The following AP3S2 variants were observed in gnomAD, a reference collection of about 807,000 sequenced individuals.
AP3S2 encodes the protein AP-3 complex subunit sigma-2.
Under a neutral mutation model 23.4 loss-of-function variants are expected in AP3S2, and 22 were observed. That is an observed-to-expected ratio of 0.94 (90% CI 0.67 to 1.34). AP3S2 has a LOEUF of 1.34. Among genes scored for constraint, AP3S2 ranks in the 40% most tolerant of loss-of-function variants. The pLI is 0.00. For synonymous variants in AP3S2, 86 were observed against 87.1 expected, an observed-to-expected ratio of 0.99 and a Z score of 0.07; for missense variants, 241 against 236.9, an observed-to-expected ratio of 1.02 and a Z score of -0.11.
At chr15:89,849,418 G>A (rs1238241778) in intron 4 of AP3S2, among the ~76,000 whole-genome samples, 2 of 151,994 alleles carry the variant, frequency 1.3e-5, no homozygotes, top group East Asian at 1.9e-4. Context: ...TCAGGCTGGA[G>A]TGCAGTGGCA....
chr15:89,868,222 C>T (rs1472644973), intron 4 of AP3S2, among the ~76,000 whole-genome samples: 1 of 53,114 alleles, frequency 1.9e-5, no homozygotes, highest in Non-Finnish European at 4.4e-5. Flanking sequence ...GTGGGGGGGT[C>T]AGCCCTCCGC....
At chr15:89,850,285 A>G (rs1273605685) in intron 4 of AP3S2, among the ~76,000 whole-genome samples, 2 of 152,184 alleles carry the variant, frequency 1.3e-5, no homozygotes, top group Non-Finnish European at 1.5e-5. Flanking sequence ...AAGACATTCA[A>G]TCCCTAGCCA....
intron 3 of AP3S2, among the ~76,000 whole-genome samples, chr15:89,885,533 A>T (rs1247731894): frequency 6.6e-6 from 1 of 152,226 alleles, no homozygotes; most frequent in Non-Finnish European, 1.5e-5. Context: ...CGGCTATTTC[A>T]AATATATTGG....
chr15:89,880,124 C>T (rs539662580), intron 3 of AP3S2, among the ~76,000 whole-genome samples: 82 of 150,906 alleles, frequency 5.4e-4, no homozygotes, highest in African/African-American at 1.8e-3. Context: ...GTCTGGGTGA[C>T]GAAGTGAGAC....
intron 4 of AP3S2, among the ~76,000 whole-genome samples, chr15:89,843,663 TG>T (rs894622133): frequency 2.0e-5 from 3 of 151,802 alleles, no homozygotes; most frequent in Non-Finnish European, 4.4e-5. Context: ...AAAAGTTAGC[TG>T]GGCAGAAGTG....
intron 5 of AP3S2, among the ~76,000 whole-genome samples, chr15:89,836,891 C>T (rs1895204858): frequency 1.3e-5 from 2 of 152,344 alleles, no homozygotes; most frequent in South Asian, 4.1e-4. Context: ...TTCGCAAGAT[C>T]AAGTTCCGTA....
In AP3S2 at chr15:89,893,718, C is replaced by T. The variant is rs527293434; in HGVS notation, c.69+163G>A. 5.1e-5 allele frequency: 33 copies of T among 652,810 alleles called. No homozygotes were observed. The South Asian group carries it at 6.3e-4, about 13-fold the overall frequency. The allele number at this position is 652,810 out of a possible 1,614,324, so 40.4% of individuals were successfully genotyped here. On this transcript the variant is annotated intron_variant, in intron 1 of 5. Coordinates refer to ENST00000336418, the MANE Select transcript of AP3S2 (RefSeq NM_005829.5). The stretch of plus-strand genomic sequence containing the variant: ...AGGGCGGGAGACAGAAGGCCTGGCA[C>T]CAGCCTGCGCCTAGATTAAATGCTT...
intron 4 of AP3S2, among the ~76,000 whole-genome samples, chr15:89,841,629 T>C (rs16943645): frequency 0.016 from 2,510 of 152,194 alleles, 81 homozygotes; most frequent in African/African-American, 0.057. Flanking sequence ...ATCCTTTGCA[T>C]TGTGGAGATG....
chr15:89,889,660 C>T (rs2141903916), intron 1 of AP3S2, among the ~76,000 whole-genome samples: 1 of 151,622 alleles, frequency 6.6e-6, no homozygotes, highest in African/African-American at 2.4e-5. Flanking sequence ...ATGGTGAAAC[C>T]CCATCTCTAC....
At chr15:89,844,129 T>C (rs1216183320) in intron 4 of AP3S2, among the ~76,000 whole-genome samples, 2 of 152,238 alleles carry the variant, frequency 1.3e-5, no homozygotes, top group African/African-American at 2.4e-5. Context: ...TGTTCAAGCC[T>C]ACCATCATTG....
Position 89,861,429 on chromosome 15 carries a change from A to C in AP3S2, c.345+10046T>G, listed in dbSNP as rs1202463694. ...CAGCTTTGCTATTAGATACTGGTAG[A>C]TCAGAATGTTAGGTCACCCACACAG... On this transcript the variant is annotated intron_variant, in intron 4 of 5. Transcript: ENST00000336418. 2.6e-5 allele frequency among the ~76,000 whole-genome samples: 4 copies of C among 152,238 alleles called. No homozygotes were observed. In the South Asian group the frequency reaches 8.3e-4, roughly 31 times the overall value.
chr15:89,886,778 T>G (rs1322162551), intron 3 of AP3S2, among the ~76,000 whole-genome samples: 1 of 152,188 alleles, frequency 6.6e-6, no homozygotes, highest in Non-Finnish European at 1.5e-5. Flanking sequence ...ACCCAGATTT[T>G]CTGATGCTAG....
At chr15:89,853,878 AC>A (rs1895728640) in intron 4 of AP3S2, among the ~76,000 whole-genome samples, 1 of 44,266 alleles carries the variant, frequency 2.3e-5, no homozygotes, top group East Asian at 7.5e-4. Flanking sequence ...CCTGGCAACC[AC>A]CCCGTCTGAG....
At chr15:89,875,446 AGAAAACGAAGGAC>A (rs1379610372) in intron 3 of AP3S2, among the ~76,000 whole-genome samples, 1 of 152,246 alleles carries the variant, frequency 6.6e-6, no homozygotes, top group Non-Finnish European at 1.5e-5. Context: ...AAAACAAGAA[AGAAAACGAAGGAC>A]GAAAACACAA....
chr15:89,858,513 GAGAGAGAGAGAGAAAGAAAGAA>G (rs1212485183), intron 4 of AP3S2, among the ~76,000 whole-genome samples: 44 of 52,130 alleles, frequency 8.4e-4, no homozygotes, highest in African/African-American at 1.6e-3. Context: ...GAGAGAGAGA[GAGAGAGAGAGAGAAAGAAAGAA>G]AGAAAGAAAG....
intron 3 of AP3S2, among the ~76,000 whole-genome samples, chr15:89,875,040 ATAAAT>A (rs1896409870): frequency 2.0e-5 from 3 of 152,254 alleles, no homozygotes; most frequent in Non-Finnish European, 1.5e-5. Context: ...ATGTAAAAAA[ATAAAT>A]TAAAAAAGCA....
At chr15:89,850,521 C>T (rs928783842) in intron 4 of AP3S2, 3 of 152,236 alleles carry the variant, frequency 2.0e-5, no homozygotes, top group Non-Finnish European at 4.4e-5. Context: ...TTCAAATCTT[C>T]CATGTCACAC....
At chr15:89,870,250 A>C (rs1434420579) in intron 4 of AP3S2, among the ~76,000 whole-genome samples, 1 of 152,164 alleles carries the variant, frequency 6.6e-6, no homozygotes, top group Non-Finnish European at 1.5e-5. Context: ...AACAACTCTA[A>C]GTGCTTGCAA....
chr15:89,832,486 A>AT lies in AP3S2; in HGVS notation c.*3028dup, dbSNP rs34112328. The AT allele has an allele frequency of 0.4, 46,272 of 115,654 alleles. 10,193 individuals are homozygous for AT. The highest frequency in any genetic ancestry group is 0.47 in the South Asian group (1,637 of 3,494). The allele number at this position is 115,654 out of a possible 1,614,324, so 7.2% of individuals were successfully genotyped here. ...CTAGTATTCTATACAACCTTAACCTATTTTTTTTTTTTTTTTTTTTGAGAC... is the reference window on the plus strand; with the variant it reads ...CTAGTATTCTATACAACCTTAACCTATTTTTTTTTTTTTTTTTTTTTGAGAC... On this transcript the variant is annotated 3_prime_UTR_variant, in exon 6 of 6. Coordinates refer to ENST00000336418, the MANE Select transcript of AP3S2 (RefSeq NM_005829.5).
Sources: gnomAD v4.1 joint callset for allele counts (sites outside exome capture counted in the v4.1 genomes callset) on GRCh38, gnomAD v4.1.1 for gene constraint, MANE v1.5 for transcripts, NCBI Gene and HGNC (gene_info 2026-07-23, HGNC 2026-07-21) for gene names.